The following POLR1D variants were observed in gnomAD, a reference collection of about 807,000 sequenced individuals.
POLR1D encodes the protein RNA polymerase I and III subunit D.
Under a neutral mutation model 10.8 loss-of-function variants are expected in POLR1D, and 8 were observed. That is an observed-to-expected ratio of 0.74 (90% confidence interval 0.43 to 1.33). POLR1D has a LOEUF of 1.33. POLR1D is among the 40% of genes most tolerant of loss of function. The probability of loss-of-function intolerance (pLI) is 0.01; values close to 1 mark genes in which losing one functional copy is unlikely to be tolerated. For missense variants in POLR1D, 152 were observed against 161.7 expected (o/e 0.94, Z 0.32); for synonymous variants, 54 against 57.2 (o/e 0.94, Z 0.25).
intron 1 of POLR1D, among the ~76,000 whole-genome samples, chr13:27,638,214 T>G (rs1956144120): frequency 6.6e-6 from 1 of 152,222 alleles, no homozygotes; most frequent in East Asian, 1.9e-4. Context: ...CTCTTGCCTC[T>G]AAGGCAGGAC....
intron 2 of POLR1D, chr13:27,650,831 A>G (rs1446285708): frequency 6.6e-6 from 1 of 152,218 alleles, no homozygotes; most frequent in Non-Finnish European, 1.5e-5. Flanking sequence ...AATGATAATC[A>G]TAATAACAAA....
intron 1 of POLR1D, among the ~76,000 whole-genome samples, chr13:27,644,545 G>T (rs556204976): frequency 9.2e-5 from 14 of 152,326 alleles, no homozygotes; most frequent in Admixed American, 8.5e-4. Flanking sequence ...ATTGAAAATT[G>T]ATTGTGGTTT....
chr13:27,628,904 C>T (rs535659243), intron 1 of POLR1D, among the ~76,000 whole-genome samples: 6 of 152,302 alleles, frequency 3.9e-5, no homozygotes, highest in African/African-American at 1.4e-4. Context: ...CAGCCTTGAC[C>T]TCCCAGGCTC....
In POLR1D at chr13:27,622,983, C is replaced by T. The variant is rs1179947533; in HGVS notation, c.135C>T (p.His45=). Residue 45 remains histidine, a synonymous_variant, in exon 2 of 2, where the codon CAC becomes CAT. Transcript: ENST00000302979. Reference sequence around the variant, plus strand: ...GACACTGTGTGACATTTGTATTGCACGAGGAAGACCATACCCTAGGAAATT... The same window carrying T: ...GACACTGTGTGACATTTGTATTGCATGAGGAAGACCATACCCTAGGAAATT... ...TDRHCVTFVL[H]EEDHTLGNSL... 5 of 1,613,838 alleles carry T rather than the reference C, an allele frequency of 3.1e-6. No homozygotes were observed. The highest frequency in any genetic ancestry group is 3.3e-5 in the Admixed American group (2 of 59,992).
intron 1 of POLR1D, among the ~76,000 whole-genome samples, chr13:27,631,461 C>CGAGT (rs1365290022): frequency 6.6e-6 from 1 of 152,112 alleles, no homozygotes; most frequent in African/African-American, 2.4e-5. Flanking sequence ...CACTTGAGAG[C>CGAGT]GAGTACATGA....
At chr13:27,644,283 C>G (rs957281308) in intron 1 of POLR1D, among the ~76,000 whole-genome samples, 2 of 152,220 alleles carry the variant, frequency 1.3e-5, no homozygotes, top group African/African-American at 4.8e-5. Context: ...TACACTGGAA[C>G]AGTTAACCCT....
intron 1 of POLR1D, among the ~76,000 whole-genome samples, chr13:27,641,276 A>G (rs1331440050): frequency 2.0e-5 from 3 of 152,242 alleles, no homozygotes; most frequent in Non-Finnish European, 4.4e-5. Flanking sequence ...CTAAACTTCC[A>G]TATTAATTCC....
At chr13:27,640,401 A>G (rs374895833) in intron 1 of POLR1D, among the ~76,000 whole-genome samples, 3 of 152,226 alleles carry the variant, frequency 2.0e-5, no homozygotes, top group South Asian at 2.1e-4. Context: ...ACACTAATTT[A>G]GAGTATGGAA....
chr13:27,622,053 G>A (rs1267863316), intron 1 of POLR1D, 44 bp downstream of exon 1: 1 of 1,548,010 alleles, frequency 6.5e-7, no homozygotes, highest in South Asian at 1.2e-5. Flanking sequence ...CGCGCCCAAG[G>A]GGAGCGGGTG....
At chr13:27,646,309 T>C (rs1292854869) in intron 1 of POLR1D, 1 of 152,246 alleles carries the variant, frequency 6.6e-6, no homozygotes, top group Non-Finnish European at 1.5e-5. Context: ...TTAATTTTTT[T>C]ACTTAAATCT....
At position 27,643,520 on chromosome 13, in the gene POLR1D, A is replaced by G. The variant is rs1235112234; in HGVS notation, c.27-4859A>G. ...TGTCCTGTGGTTTCTACAGATCCCT[A>G]TGACTACTAAACCACTAGTTACTAC... On this transcript the variant is annotated intron_variant, in intron 1 of 2. Coordinates refer to the POLR1D transcript ENST00000399697. 3.3e-5 allele frequency among the ~76,000 whole-genome samples: 5 copies of G among 152,288 alleles called. No individual in the cohort carries two copies. In the East Asian group the frequency reaches 9.6e-4, roughly 29 times the overall value.
Position 27,632,518 on chromosome 13 carries a change from G to A in POLR1D, c.26+10509G>A, listed in dbSNP as rs139735657. Reference sequence around the variant, plus strand: ...TTCCAGGTACCAAGAAAGCAAAGACGAATCTCATTTCATGCCTACCTTCAC... The same window carrying A: ...TTCCAGGTACCAAGAAAGCAAAGACAAATCTCATTTCATGCCTACCTTCAC... On this transcript the variant is annotated intron_variant, in intron 1 of 2. Coordinates refer to the POLR1D transcript ENST00000399697. Among the ~76,000 whole-genome samples, 225 of 152,212 alleles carry A rather than the reference G, an allele frequency of 1.5e-3. 1 individual carries two copies. Among genetic ancestry groups the A allele is most frequent in the African/African-American group, 5.3e-3 (218 of 41,522 alleles).
At chr13:27,650,233 A>G in intron 2 of POLR1D, 1 of 391,780 alleles carries the variant, frequency 2.6e-6, no homozygotes, top group Non-Finnish European at 4.5e-6. Flanking sequence ...TTGCGGTTTC[A>G]TTAAATAGGT....
At chr13:27,635,730 A>G (rs1956119176) in intron 1 of POLR1D, among the ~76,000 whole-genome samples, 1 of 125,726 alleles carries the variant, frequency 8.0e-6, no homozygotes, top group Non-Finnish European at 1.8e-5. Flanking sequence ...ATATATACAT[A>G]CACACATATA....
chr13:27,650,021 C>A, intron 2 of POLR1D: 1 of 398,434 alleles, frequency 2.5e-6, no homozygotes, highest in South Asian at 1.3e-4. Flanking sequence ...TAACTGAAAT[C>A]TGTTATACTT....
intron 1 of POLR1D, among the ~76,000 whole-genome samples, chr13:27,628,959 G>T: frequency 6.6e-6 from 1 of 152,156 alleles, no homozygotes; most frequent in Non-Finnish European, 1.5e-5. Flanking sequence ...GAGACTACAG[G>T]CATGTGCCAC....
At chr13:27,628,077 C>G (rs537038314), downstream of POLR1D, among the ~76,000 whole-genome samples, 1 of 152,174 alleles carries the variant, frequency 6.6e-6, no homozygotes, top group Non-Finnish European at 1.5e-5. Context: ...TCCTTACTAA[C>G]GGGAGTTAGT....
downstream of POLR1D, among the ~76,000 whole-genome samples, chr13:27,624,397 T>C (rs932189640): frequency 2.6e-5 from 4 of 152,198 alleles, no homozygotes; most frequent in African/African-American, 7.2e-5. Flanking sequence ...TAAGTAGTTA[T>C]GGCATGCAGC....
In POLR1D at chr13:27,622,956, T is replaced by G; in HGVS notation, c.108T>G (p.Asp36Glu). Residue 36 changes from aspartate to glutamate, a missense_variant, in exon 2 of 2, where the codon GAT becomes GAG. Asp to Glu is a conservative substitution (Grantham distance 45, BLOSUM62 2). Transcript: ENST00000302979. ...ALEMVQAAGT[D>E]RHCVTFVLHE... ...AAATGGTCCAGGCAGCTGGAACAGA[T>G]AGACACTGTGTGACATTTGTATTGC... is the stretch of plus-strand genomic sequence containing the variant. The G allele has an allele frequency of 6.2e-7, 1 of 1,613,776 alleles. No homozygotes were observed. The highest frequency in any genetic ancestry group is 1.7e-5 in the Admixed American group (1 of 60,024).
Sources: allele counts gnomAD v4.1 joint callset (sites outside exome capture counted in the v4.1 genomes callset), GRCh38; gene constraint gnomAD v4.1.1; transcripts MANE v1.5; gene names NCBI Gene and HGNC (gene_info 2026-07-23, HGNC 2026-07-21).